Variants in CACNA1D observed in about 807,000 individuals in gnomAD.
CACNA1D encodes calcium voltage-gated channel subunit alpha1 D, also known as voltage-dependent L-type calcium channel subunit alpha-1D.
CACNA1D carries 55 observed loss-of-function variants against 257.1 expected under a neutral mutation model. The ratio of observed to expected loss-of-function variants is 0.21; its 90% CI spans 0.17 to 0.27. The LOEUF is 0.27. Ranked by LOEUF, CACNA1D falls within the 10% of genes least tolerant of loss-of-function variation. The pLI, the probability that CACNA1D is intolerant of heterozygous loss-of-function variation, is 1.00. For missense variants in CACNA1D, 1,876 were observed against 2,784.0 expected (o/e 0.67, Z 7.34); for synonymous variants, 980 against 1,014.9 (o/e 0.97, Z 0.65).
intron 3 of CACNA1D, among the ~76,000 whole-genome samples, chr3:53,512,142 G>C (rs920788698): frequency 1.3e-5 from 2 of 152,068 alleles, no homozygotes; most frequent in African/African-American, 2.4e-5. Flanking sequence ...CTTCTCTGTA[G>C]GCTTACACAA....
In CACNA1D at chr3:53,743,091, G is replaced by A; in HGVS notation, c.2892G>A (p.Gly964=). The part of the protein sequence containing the change: ...YFNLLDMLVV[G]VSLVSFGIQS... ...ATTTGCTGGATATGCTGGTGGTTGGGGTGTCTCTGGTGTCATTTGGGATTC... is the reference window on the plus strand; with the variant it reads ...ATTTGCTGGATATGCTGGTGGTTGGAGTGTCTCTGGTGTCATTTGGGATTC... The change falls in exon 22 of 48, where the codon GGG becomes GGA. Residue 964 remains glycine, a synonymous_variant. Transcript: ENST00000350061. 1.9e-6 allele frequency: 3 copies of A among 1,612,796 alleles called. No individual in the cohort carries two copies. The highest frequency in any genetic ancestry group is 2.5e-6 in the Non-Finnish European group (3 of 1,178,804).
intron 3 of CACNA1D, among the ~76,000 whole-genome samples, chr3:53,580,352 C>A (rs1199337924): frequency 6.6e-6 from 1 of 152,210 alleles, no homozygotes; most frequent in Admixed American, 6.5e-5. Flanking sequence ...TACTGCTCAG[C>A]CAGTGCTCGC....
At chr3:53,748,272 G>C (rs749595545) in intron 26 of CACNA1D, among the ~76,000 whole-genome samples, 1 of 152,240 alleles carries the variant, frequency 6.6e-6, no homozygotes, top group Non-Finnish European at 1.5e-5. Flanking sequence ...CACACCTAGA[G>C]TCCTGGATAC....
At chr3:53,591,937 C>T (rs1032249095) in intron 3 of CACNA1D, among the ~76,000 whole-genome samples, 5 of 152,172 alleles carry the variant, frequency 3.3e-5, no homozygotes, top group South Asian at 4.1e-4. Context: ...ACAGGCTCTC[C>T]ACCTTCTCTG....
chr3:53,499,093 G>C (rs980346074), intron 2 of CACNA1D, among the ~76,000 whole-genome samples: 1 of 152,140 alleles, frequency 6.6e-6, no homozygotes, highest in Non-Finnish European at 1.5e-5. Flanking sequence ...CTTTTGTGTG[G>C]AGTAGGTGGG....
intron 3 of CACNA1D, among the ~76,000 whole-genome samples, chr3:53,621,434 G>A (rs1271886159): frequency 6.6e-6 from 1 of 152,198 alleles, no homozygotes; most frequent in African/African-American, 2.4e-5. Flanking sequence ...TGGGGACAGT[G>A]GTGGCGAGAG....
At chr3:53,574,101 C>T (rs991018337) in intron 3 of CACNA1D, among the ~76,000 whole-genome samples, 2 of 152,308 alleles carry the variant, frequency 1.3e-5, no homozygotes, top group Non-Finnish European at 1.5e-5. Flanking sequence ...AGCCCCATCT[C>T]AGGGTGCTCG....
At position 53,545,365 on chromosome 3, in the gene CACNA1D, A is replaced by G. The variant is rs577602124; in HGVS notation, c.483+43645A>G. ...TTTAATGACTCTCCCTCACAAGGCCATGGAGCTCGTGAGAGAGCATAAGGC... is the reference window on the plus strand; with the variant it reads ...TTTAATGACTCTCCCTCACAAGGCCGTGGAGCTCGTGAGAGAGCATAAGGC... On this transcript the variant is annotated intron_variant, in intron 3 of 47. Coordinates refer to ENST00000350061, the MANE Select transcript of CACNA1D (RefSeq NM_001128840.3). Among the ~76,000 whole-genome samples, 13 of 152,364 alleles carry G rather than the reference A, an allele frequency of 8.5e-5. No individual in the cohort carries two copies. The East Asian group carries it at 2.1e-3, about 25-fold the overall frequency.
intron 3 of CACNA1D, among the ~76,000 whole-genome samples, chr3:53,631,685 T>G (rs1559943257): frequency 6.6e-6 from 1 of 152,258 alleles, no homozygotes; most frequent in Non-Finnish European, 1.5e-5. Context: ...GCTGGAGACT[T>G]ATGAAATATA....
chr3:53,812,881 C>G lies in CACNA1D; in HGVS notation c.*1475C>G, dbSNP rs530947050. On this transcript the variant is annotated 3_prime_UTR_variant, in exon 48 of 48. Coordinates refer to ENST00000350061, the MANE Select transcript of CACNA1D (RefSeq NM_001128840.3). ...TTACAAAACTGCTGTACTGTATGTT[C>G]TCTTTGAGGGCTTTTATATGCAATT... 1.3e-5 allele frequency: 2 copies of G among 151,232 alleles called. No individual in the cohort carries two copies. The highest frequency in any genetic ancestry group is 3.9e-4 in the East Asian group (2 of 5,068). 9.4% of individuals were successfully genotyped at this position (151,232 alleles called of 1,614,324 possible).
intron 3 of CACNA1D, among the ~76,000 whole-genome samples, chr3:53,507,072 C>CAAAAAAAAA (rs781421977): frequency 1.1e-4 from 6 of 56,688 alleles, no homozygotes; most frequent in Admixed American, 4.5e-4. Flanking sequence ...GACTCTATCT[C>CAAAAAAAAA]AAAAAAAAAA....
At chr3:53,663,776 C>T (rs1204374070) in intron 5 of CACNA1D, among the ~76,000 whole-genome samples, 1 of 148,504 alleles carries the variant, frequency 6.7e-6, no homozygotes, top group Non-Finnish European at 1.5e-5. Flanking sequence ...AGGAAATAAT[C>T]GTCTCTCTCT....
rs1452496028 is a variant in CACNA1D, at chr3:53,749,252, G to T, written c.3315-16G>T. The T allele has an allele frequency of 6.2e-7, 1 of 1,607,510 alleles. No homozygotes were observed. The highest frequency in any genetic ancestry group is 8.5e-7 in the Non-Finnish European group (1 of 1,174,286). The stretch of plus-strand genomic sequence containing the variant: ...GGGGGGCTTGGCAGGTCCTCACTTG[G>T]TTTTTCTCTCTCTAGGTTGCTGTAT... On this transcript the variant is annotated splice_polypyrimidine_tract_variant and intron_variant, in intron 26 of 47. Coordinates refer to ENST00000350061, the MANE Select transcript of CACNA1D (RefSeq NM_001128840.3).
intron 45 of CACNA1D, 149 bp from the exon 46 acceptor site, chr3:53,808,500 G>C: frequency 1.2e-6 from 1 of 862,494 alleles, no homozygotes. Flanking sequence ...CTAAAGTTTG[G>C]AGACCTCACT....
intron 3 of CACNA1D, among the ~76,000 whole-genome samples, chr3:53,518,100 G>T (rs886945190): frequency 6.6e-6 from 1 of 152,230 alleles, no homozygotes; most frequent in Non-Finnish European, 1.5e-5. Flanking sequence ...TGTGGGTCTT[G>T]CCTGCTTTCT....
At chr3:53,578,960 G>A (rs1313145546) in intron 3 of CACNA1D, among the ~76,000 whole-genome samples, 3 of 152,142 alleles carry the variant, frequency 2.0e-5, no homozygotes, top group African/African-American at 7.2e-5. Flanking sequence ...TGAGGAAGGG[G>A]GAGTAAAGGG....
At chr3:53,547,574 G>C (rs945705290) in intron 3 of CACNA1D, among the ~76,000 whole-genome samples, 1 of 152,112 alleles carries the variant, frequency 6.6e-6, no homozygotes, top group African/African-American at 2.4e-5. Flanking sequence ...TGTATTTGAG[G>C]CTTTGTGTAC....
intron 3 of CACNA1D, among the ~76,000 whole-genome samples, chr3:53,635,649 G>A (rs1229283631): frequency 1.3e-5 from 2 of 152,102 alleles, no homozygotes; most frequent in East Asian, 1.9e-4. Flanking sequence ...TTGGATCTCT[G>A]TAGTGCCTCT....
At chr3:53,526,288 T>G (rs1022198370) in intron 3 of CACNA1D, among the ~76,000 whole-genome samples, 2 of 152,164 alleles carry the variant, frequency 1.3e-5, no homozygotes, top group Admixed American at 6.5e-5. Context: ...AGTCAAGTAT[T>G]GGTTATTGGG....
Sources: allele counts gnomAD v4.1 joint callset (sites outside exome capture counted in the v4.1 genomes callset), GRCh38; gene constraint gnomAD v4.1.1; transcripts MANE v1.5; gene names NCBI Gene and HGNC (gene_info 2026-07-23, HGNC 2026-07-21).